Variants in PIGG observed in about 807,000 individuals in gnomAD.
PIGG encodes GPI ethanolamine phosphate transferase 2, catalytic subunit.
PIGG carries 70 observed loss-of-function variants against 83.2 expected under a neutral mutation model. The observed-to-expected ratio is 0.84, with a 90% confidence interval of 0.69 to 1.03. The LOEUF is 1.03. Among genes scored for constraint, PIGG ranks in the 50% least tolerant of loss-of-function variants. The probability of loss-of-function intolerance (pLI) is 0.00; values close to 1 mark genes in which losing one functional copy is unlikely to be tolerated. For missense variants in PIGG, 1,257 were observed against 1,233.6 expected (o/e 1.02, Z -0.28); for synonymous variants, 532 against 519.5 (o/e 1.02, Z -0.33).
Position 517,158 on chromosome 4 carries a change from A to G in PIGG, c.1114+973A>G, listed in dbSNP as rs558273020. Among the ~76,000 whole-genome samples, 873 of 152,298 alleles carry G rather than the reference A, an allele frequency of 5.7e-3. 4 individuals are homozygous for G. The highest frequency in any genetic ancestry group is 9.7e-3 in the Non-Finnish European group (659 of 68,022). On this transcript the variant is annotated intron_variant, in intron 6 of 12. Coordinates refer to ENST00000453061, the MANE Select transcript of PIGG (RefSeq NM_001127178.3). ...GCTGCTGCAGGGTTTGGTGAGAGCC[A>G]GAGTCTCCCACTTGCATTTTCGAAG...
chr4:533,744 T>TA (rs1301697680), intron 11 of PIGG, 74 bp from the exon 12 acceptor site: 25 of 1,407,682 alleles, frequency 1.8e-5, no homozygotes, highest in African/African-American at 7.1e-5. Context: ...GCTAACATCG[T>TA]GGCTCACGCT....
At chr4:537,931 T>C (rs11936717) in intron 12 of PIGG, among the ~76,000 whole-genome samples, 28,468 of 151,908 alleles carry the variant, frequency 0.19, 3,227 homozygotes, top group African/African-American at 0.32. Context: ...CCTCAAGTAA[T>C]ACCTGGTGGA....
intron 6 of PIGG, among the ~76,000 whole-genome samples, chr4:516,842 AAG>A (rs1008125549): frequency 6.9e-6 from 1 of 145,230 alleles, no homozygotes; most frequent in Non-Finnish European, 1.5e-5. Flanking sequence ...GCAACAGAGC[AAG>A]ACTCTGCCTC....
At position 523,520 on chromosome 4, in the gene PIGG, C is replaced by T. The variant is rs566192458; in HGVS notation, c.1676C>T (p.Ala559Val). The change falls in exon 9 of 13, where the codon GCG becomes GTG. Residue 559 changes from alanine (A) to valine (V), a missense_variant. Physicochemically the swap from Ala to Val is moderately conservative, Grantham distance 64. Coordinates refer to ENST00000453061, the MANE Select transcript of PIGG (RefSeq NM_001127178.3). ...ELDLLILLGT[A>V]GHVLSLGASS... ...GACCTTCTTATTCTGTTGGGGACGG[C>T]GGGCCACGTCTTGAGCCTGGGCGCC... 7 of 1,614,106 alleles carry T rather than the reference C, an allele frequency of 4.3e-6. No individual in the cohort carries two copies. The highest frequency in any genetic ancestry group is 4.5e-5 in the East Asian group (2 of 44,878).
intron 5 of PIGG, among the ~76,000 whole-genome samples, chr4:514,008 C>T (rs1360958426): frequency 3.3e-5 from 5 of 152,180 alleles, no homozygotes; most frequent in Non-Finnish European, 7.3e-5. Flanking sequence ...GTAATGCAGA[C>T]TCTCTGCCTT....
At position 513,316 on chromosome 4, in the gene PIGG, T is replaced by G. The variant is rs371022158; in HGVS notation, c.902-2657T>G. On this transcript the variant is annotated intron_variant, in intron 5 of 12. Coordinates refer to ENST00000453061, the MANE Select transcript of PIGG (RefSeq NM_001127178.3). ...TTAAAAATGCACGGAAATTTTTGTTTTGTTATGTTAATAAAAATAAATGTT... is the reference window on the plus strand; with the variant it reads ...TTAAAAATGCACGGAAATTTTTGTTGTGTTATGTTAATAAAAATAAATGTT... 1.1e-4 allele frequency among the ~76,000 whole-genome samples: 17 copies of G among 152,350 alleles called. No homozygotes were observed. In the South Asian group the frequency reaches 2.7e-3, roughly 24 times the overall value.
rs550298527 is a variant in PIGG at position 518,184 on chromosome 4, G to C, written c.1114+1999G>C. Among the ~76,000 whole-genome samples, 4 of 152,330 alleles carry C rather than the reference G, an allele frequency of 2.6e-5. No individual in the cohort carries two copies. The South Asian group carries it at 6.2e-4, about 24-fold the overall frequency. On this transcript the variant is annotated intron_variant, in intron 6 of 12. Transcript: ENST00000453061. ...CATGGAGCCATTTTAGTCAAGACCAGGGACAACAGTGACTTGTGCTTTTCG... is the reference window on the plus strand; with the variant it reads ...CATGGAGCCATTTTAGTCAAGACCACGGACAACAGTGACTTGTGCTTTTCG...
At chr4:500,928 C>G (rs1206276506) in intron 2 of PIGG, among the ~76,000 whole-genome samples, 2 of 152,198 alleles carry the variant, frequency 1.3e-5, no homozygotes, top group Admixed American at 6.5e-5. Flanking sequence ...CATTTACAAT[C>G]TTAGAAGGAG....
In PIGG at chr4:521,226, C is replaced by T. The variant is rs760594429; in HGVS notation, c.1285C>T (p.Gln429Ter). The T allele has an allele frequency of 2.5e-6, 4 of 1,613,974 alleles. No homozygotes were observed. The change falls in exon 7 of 13, where the codon CAG becomes TAG. Residue 429 changes from glutamine (Q) to a stop codon, truncating the protein, a stop_gained. Coordinates refer to ENST00000453061, the MANE Select transcript of PIGG (RefSeq NM_001127178.3). LOFTEE classifies it high-confidence loss of function. Reference protein sequence around the residue: ...LSLSLSAQVAQYDIYSMMVGT... With the variant: ...LSLSLSAQVA ...CTTGTCCCTGAGTGCACAAGTGGCC[C>T]AGTACGACATCTATTCGATGATGGT...
rs1370036630 is a variant in PIGG at position 505,845 on chromosome 4, A to C, written c.488A>C (p.Asp163Ala). 1.2e-6 allele frequency: 2 copies of C among 1,613,446 alleles called. No homozygotes were observed. The highest frequency in any genetic ancestry group is 1.7e-6 in the Non-Finnish European group (2 of 1,179,894). The change falls in exon 3 of 13, where the codon GAT becomes GCT. Residue 163 changes from aspartate to alanine, a missense_variant. By Grantham distance (126) the Asp-to-Ala change is moderately radical. Transcript: ENST00000453061. ...AAGKRIVFYG[D>A]ETWVKLFPKH... ...GGAAAAAGAATAGTCTTTTATGGAG[A>C]TGAAACCTGGGTTAAATTATTCCCA...
Position 528,317 on chromosome 4 carries a change from C to G in PIGG, c.2261+1087C>G. 1 of 984,544 alleles carries G rather than the reference C, an allele frequency of 1.0e-6. No homozygotes were observed. The highest frequency in any genetic ancestry group is 1.1e-4 in the East Asian group (1 of 8,804). 61.0% of individuals were successfully genotyped at this position (984,544 alleles called of 1,614,324 possible). ...CTGAAATCATAAGATTGTGGTCTTGCTTTTTACTTATTTTTGTATCTTAGC... is the reference window on the plus strand; with the variant it reads ...CTGAAATCATAAGATTGTGGTCTTGGTTTTTACTTATTTTTGTATCTTAGC... On this transcript the variant is annotated intron_variant, in intron 10 of 12. Coordinates refer to ENST00000453061, the MANE Select transcript of PIGG (RefSeq NM_001127178.3). The surrounding 1 kb of genome is among the most constrained non-coding windows in gnomAD (Gnocchi z 4.8).
chr4:506,008 A>G (rs1328954658), intron 3 of PIGG, 81 bp downstream of exon 3: 2 of 912,362 alleles, frequency 2.2e-6, no homozygotes, highest in East Asian at 2.6e-5. Context: ...TTAGTGAGAG[A>G]TGATACCATT....
chr4:539,523 T>C lies in PIGG; in HGVS notation c.*154T>C. 1.7e-6 allele frequency: 1 copy of C among 603,362 alleles called. No homozygotes were observed. Among genetic ancestry groups the C allele is most frequent in the Non-Finnish European group, 2.9e-6 (1 of 340,884 alleles). The allele number at this position is 603,362 out of a possible 1,614,324, so 37.4% of individuals were successfully genotyped here. ...TAAATAGTTTAATAAAAGATCACTT[T>C]AATATACAGTTTGTATCATATTTTC... On this transcript the variant is annotated 3_prime_UTR_variant, in exon 13 of 13. Coordinates refer to ENST00000453061, the MANE Select transcript of PIGG (RefSeq NM_001127178.3).
Position 523,675 on chromosome 4 carries a change from G to T in PIGG, c.1831G>T (p.Val611Leu), listed in dbSNP as rs770646287. The change falls in exon 9 of 13, where the codon GTG becomes TTG. Residue 611 changes from valine (V) to leucine (L), a missense_variant. Coordinates refer to ENST00000453061, the MANE Select transcript of PIGG (RefSeq NM_001127178.3). ...CGGTGAGCCTCCGTGTGGCCTCTGT[G>T]TGGAACAAGGGCATGACGGGGCCAC... ...DDGEPPCGLC[V>L]EQGHDGATAA... 6.2e-7 allele frequency: 1 copy of T among 1,614,116 alleles called. No individual in the cohort carries two copies. Among genetic ancestry groups the T allele is most frequent in the African/African-American group, 1.3e-5 (1 of 74,954 alleles).
At chr4:534,761 T>A (rs1042635214) in intron 12 of PIGG, among the ~76,000 whole-genome samples, 1 of 152,012 alleles carries the variant, frequency 6.6e-6, no homozygotes, top group African/African-American at 2.4e-5. Context: ...CATCCCCATC[T>A]CCTGGCAGCT....
chr4:501,685 T>C (rs1717793274), intron 2 of PIGG: 1 of 154,148 alleles, frequency 6.5e-6, no homozygotes, highest in Non-Finnish European at 1.4e-5. Flanking sequence ...CACTGACTTT[T>C]TCCTTGAATT....
At chr4:532,654 C>T (rs73072175) in intron 11 of PIGG, 28,542 of 152,442 alleles carry the variant, frequency 0.19, 3,239 homozygotes, top group African/African-American at 0.32. Context: ...TGGGGACCCC[C>T]TGGGCCCACA....
chr4:517,659 G>A (rs575766530), intron 6 of PIGG, among the ~76,000 whole-genome samples: 2 of 152,110 alleles, frequency 1.3e-5, no homozygotes, highest in African/African-American at 2.4e-5. Flanking sequence ...GATGGAGAGT[G>A]GGGGAAGGCC....
At position 528,538 on chromosome 4, in the gene PIGG, G is replaced by A. The variant is rs567581622; in HGVS notation, c.2261+1308G>A. The stretch of plus-strand genomic sequence containing the variant: ...TGAGGCAGTGAGAGTGTAGCAGGCC[G>A]TCATACGGGGCCGGGGCCTGGGGCA... On this transcript the variant is annotated intron_variant, in intron 10 of 12. Coordinates refer to ENST00000453061, the MANE Select transcript of PIGG (RefSeq NM_001127178.3). This position sits in a 1 kb window ranked among gnomAD's most constrained non-coding sequence, Gnocchi z 4.8. 105 of 985,202 alleles carry A rather than the reference G, an allele frequency of 1.1e-4. No individual in the cohort carries two copies. The highest frequency in any genetic ancestry group is 3.0e-4 in the African/African-American group (17 of 57,206). 61.0% of individuals were successfully genotyped at this position (985,202 alleles called of 1,614,324 possible). A position where few individuals can be genotyped will look rare whatever the true frequency, so the allele number is the denominator to read the frequency against.
Sources: gnomAD v4.1 joint callset for allele counts (sites outside exome capture counted in the v4.1 genomes callset) on GRCh38, gnomAD v4.1.1 for gene constraint, Gnocchi (gnomAD v3.1) non-coding constraint, MANE v1.5 for transcripts, NCBI Gene and HGNC (gene_info 2026-07-23, HGNC 2026-07-21) for gene names.